Variants in TNFRSF21 observed in about 807,000 individuals in gnomAD.
The protein encoded by TNFRSF21 is TNF receptor superfamily member 21.
A neutral mutation model predicts 45.6 loss-of-function variants in TNFRSF21; 19 were observed. The ratio of observed to expected loss-of-function variants is 0.42; its 90% CI spans 0.29 to 0.61. The LOEUF (loss-of-function observed/expected upper bound fraction) is 0.61, where lower values mean the gene tolerates loss of function less well. Among genes scored for constraint, TNFRSF21 ranks in the 20% least tolerant of loss-of-function variants. The pLI, the probability that TNFRSF21 is intolerant of heterozygous loss-of-function variation, is 0.23. For synonymous variants in TNFRSF21, 314 were observed against 335.5 expected, an observed-to-expected ratio of 0.94 and a Z score of 0.70; for missense variants, 737 against 851.5, an observed-to-expected ratio of 0.87 and a Z score of 1.67.
chr6:47,252,313 A>G (rs550443008), intron 4 of TNFRSF21, among the ~76,000 whole-genome samples: 4 of 152,322 alleles, frequency 2.6e-5, no homozygotes, highest in African/African-American at 7.2e-5. Flanking sequence ...TTAAATCTTA[A>G]GTGGGTTTTA....
intron 5 of TNFRSF21, 108 bp downstream of exon 5, chr6:47,234,562 G>A (rs2113841426): frequency 1.1e-6 from 1 of 894,458 alleles, no homozygotes; most frequent in East Asian, 2.8e-5. Flanking sequence ...AGGTAATTCA[G>A]ATGACTCAAC....
At chr6:47,309,154 C>G (rs1476131659) in intron 1 of TNFRSF21, among the ~76,000 whole-genome samples, 1 of 152,164 alleles carries the variant, frequency 6.6e-6, no homozygotes, top group Non-Finnish European at 1.5e-5. Flanking sequence ...CTACCTCTAG[C>G]GTCTCCTCCA....
intron 4 of TNFRSF21, among the ~76,000 whole-genome samples, chr6:47,245,578 T>C (rs1764813574): frequency 6.6e-6 from 1 of 152,072 alleles, no homozygotes; most frequent in Non-Finnish European, 1.5e-5. Context: ...ACTATATTTA[T>C]TAAAATTCTA....
intron 4 of TNFRSF21, among the ~76,000 whole-genome samples, chr6:47,244,790 A>G (rs1158146582): frequency 1.3e-5 from 2 of 152,164 alleles, no homozygotes; most frequent in Admixed American, 6.5e-5. Flanking sequence ...AAGTGATGAA[A>G]ACCTCGAAAT....
intron 1 of TNFRSF21, among the ~76,000 whole-genome samples, chr6:47,292,602 C>A (rs1762743271): frequency 6.6e-6 from 1 of 152,240 alleles, no homozygotes; most frequent in African/African-American, 2.4e-5. Flanking sequence ...ACCACTCTCT[C>A]AGCCTCTTAA....
chr6:47,235,141 T>A (rs1582311357), intron 4 of TNFRSF21, among the ~76,000 whole-genome samples: 1 of 152,208 alleles, frequency 6.6e-6, no homozygotes, highest in Non-Finnish European at 1.5e-5. Flanking sequence ...CAAGCTATTA[T>A]CTCAGGGGAG....
intron 3 of TNFRSF21, among the ~76,000 whole-genome samples, chr6:47,277,884 C>T (rs949327711): frequency 1.3e-5 from 2 of 152,106 alleles, no homozygotes; most frequent in African/African-American, 4.8e-5. Flanking sequence ...CACTTCAGCC[C>T]AACCACATTA....
chr6:47,263,234 A>T (rs1405834956), intron 3 of TNFRSF21, among the ~76,000 whole-genome samples: 1 of 152,176 alleles, frequency 6.6e-6, no homozygotes, highest in Non-Finnish European at 1.5e-5. Flanking sequence ...ACTTTCTGTG[A>T]TGGGCAATTG....
chr6:47,290,101 G>A (rs16875868), intron 1 of TNFRSF21, among the ~76,000 whole-genome samples: 8,547 of 152,250 alleles, frequency 0.056, 808 homozygotes, highest in African/African-American at 0.2. Context: ...TCTGTACTTC[G>A]TGGCATGTCT....
Position 47,297,354 on chromosome 6 carries a change from C to CA in TNFRSF21, c.97-10760dup, listed in dbSNP as rs566307945. Among the ~76,000 whole-genome samples the CA allele has an allele frequency of 3.0e-4, 45 of 152,264 alleles. No individual in the cohort carries two copies. In the East Asian group the frequency reaches 7.9e-3, roughly 27 times the overall value. ...TAATTGTTAATACAGATAAAGCAGG[C>CA]AAAACGTGTCTGACACATAGTAAGC... is the stretch of plus-strand genomic sequence containing the variant. On this transcript the variant is annotated intron_variant, in intron 1 of 5. Coordinates refer to ENST00000296861, the MANE Select transcript of TNFRSF21 (RefSeq NM_014452.5).
intron 3 of TNFRSF21, among the ~76,000 whole-genome samples, chr6:47,257,640 G>C (rs2295266): frequency 0.29 from 44,726 of 152,112 alleles, 7,463 homozygotes; most frequent in East Asian, 0.55. Context: ...CTTTGGGGAG[G>C]GGGAAGGAGC....
chr6:47,286,516 C>G lies in TNFRSF21; in HGVS notation c.176G>C (p.Arg59Pro). 1 of 1,614,138 alleles carries G rather than the reference C, an allele frequency of 6.2e-7. No homozygotes were observed. The highest frequency in any genetic ancestry group is 8.5e-7 in the Non-Finnish European group (1 of 1,179,992). ...ACAGGTTAGCACCTGGCCGGTGGCA[C>G]GGTCAACATGGCGGTATGTGCCAAT... The part of the protein sequence containing the change: ...NLIGTYRHVD[R>P]ATGQVLTCDK... The change falls in exon 2 of 6, where the codon CGT (arginine) becomes CCT (proline). Residue 59 changes from arginine to proline, a missense_variant. By Grantham distance (103) the Arg-to-Pro change is moderately radical (BLOSUM62 -2). Transcript: ENST00000296861.
chr6:47,272,854 T>C (rs866708688), intron 3 of TNFRSF21, among the ~76,000 whole-genome samples: 29 of 152,252 alleles, frequency 1.9e-4, no homozygotes, highest in Middle Eastern at 3.4e-3. Flanking sequence ...CCCACAGAAA[T>C]ACAAACTACC....
Position 47,309,660 on chromosome 6 carries a change from AGAG to A in TNFRSF21, c.-152_-150del. ...CCCATGTGCACTGCTGCGGCCGGGC[AGAG>A]GAGGGAGGCGGCAAGGGAGGCTCTA... On this transcript the variant is annotated 5_prime_UTR_variant, in exon 1 of 6. Coordinates refer to ENST00000296861, the MANE Select transcript of TNFRSF21 (RefSeq NM_014452.5). 2 of 1,183,926 alleles carry A rather than the reference AGAG, an allele frequency of 1.7e-6. No homozygotes were observed. Among genetic ancestry groups the A allele is most frequent in the Non-Finnish European group, 2.2e-6 (2 of 914,756 alleles). 73.3% of individuals were successfully genotyped at this position (1,183,926 alleles called of 1,614,324 possible). A position where few individuals can be genotyped will look rare whatever the true frequency, so the allele number is the denominator to read the frequency against.
intron 3 of TNFRSF21, among the ~76,000 whole-genome samples, chr6:47,262,174 T>A (rs6903181): frequency 0.32 from 49,112 of 152,040 alleles, 8,272 homozygotes; most frequent in East Asian, 0.46. Context: ...CGTGCAAAGA[T>A]CTCTTGAAGT....
At chr6:47,291,906 T>A (rs1762734652) in intron 1 of TNFRSF21, among the ~76,000 whole-genome samples, 2 of 152,176 alleles carry the variant, frequency 1.3e-5, no homozygotes, top group Admixed American at 1.3e-4. Context: ...GTTGGCAACA[T>A]CCCTTTCTCT....
At chr6:47,288,567 C>T (rs1312671432) in intron 1 of TNFRSF21, among the ~76,000 whole-genome samples, 1 of 138,654 alleles carries the variant, frequency 7.2e-6, no homozygotes, top group East Asian at 2.3e-4. Flanking sequence ...GCGGTAGAAA[C>T]AAACATAAAA....
chr6:47,263,687 G>T (rs1023840556), intron 3 of TNFRSF21, among the ~76,000 whole-genome samples: 1 of 152,220 alleles, frequency 6.6e-6, no homozygotes, highest in African/African-American at 2.4e-5. Context: ...AGTGGCATTA[G>T]AATCATGTTG....
intron 3 of TNFRSF21, among the ~76,000 whole-genome samples, chr6:47,263,983 T>C (rs1384318815): frequency 6.6e-6 from 1 of 152,254 alleles, no homozygotes; most frequent in Admixed American, 6.5e-5. Flanking sequence ...ATTCTATACA[T>C]ACATTGCCAT....
Sources: allele counts gnomAD v4.1 joint callset (sites outside exome capture counted in the v4.1 genomes callset), GRCh38; gene constraint gnomAD v4.1.1; transcripts MANE v1.5; gene names NCBI Gene and HGNC (gene_info 2026-07-23, HGNC 2026-07-21).